Variants in LSM3 observed in about 807,000 individuals in gnomAD.
LSM3 encodes the protein U6 snRNA-associated Sm-like protein LSm3.
LSM3 carries 14 observed loss-of-function variants against 15.4 expected under a neutral mutation model. The ratio of observed to expected loss-of-function variants is 0.91; its 90% CI spans 0.60 to 1.42. The LOEUF is 1.42. LSM3 is among the 40% of genes most tolerant of loss of function. LSM3 has a pLI of 0.00. For missense variants in LSM3, 88 were observed against 127.9 expected, an observed-to-expected ratio of 0.69 and a Z score of 1.50; for synonymous variants, 46 against 45.1, an observed-to-expected ratio of 1.02 and a Z score of -0.08.
chr3:14,181,764 G>A (rs1016502720), intron 2 of LSM3, 94 bp downstream of exon 2: 3 of 887,472 alleles, frequency 3.4e-6, no homozygotes, highest in Admixed American at 2.0e-5. Flanking sequence ...AGGGTATTTT[G>A]AAGGAAGAGA....
chr3:14,197,481 G>A (rs1324541029), intron 3 of LSM3, among the ~76,000 whole-genome samples: 1 of 152,246 alleles, frequency 6.6e-6, no homozygotes, highest in South Asian at 2.1e-4. Context: ...TGTGACCACA[G>A]TAGCACCCAG....
At chr3:14,184,140 G>C (rs1559391032) in intron 3 of LSM3, 108 bp downstream of exon 3, 7 of 1,362,742 alleles carry the variant, frequency 5.1e-6, no homozygotes, top group Non-Finnish European at 5.8e-6. Flanking sequence ...CCTACTTATG[G>C]ACTCAGTAGA....
intron 2 of LSM3, among the ~76,000 whole-genome samples, chr3:14,183,169 C>T (rs1697055965): frequency 6.6e-6 from 1 of 152,190 alleles, no homozygotes; most frequent in African/African-American, 2.4e-5. Flanking sequence ...CATGTTTGAT[C>T]TTGTTAGTGT....
chr3:14,197,180 A>C (rs1184615906), intron 3 of LSM3, among the ~76,000 whole-genome samples: 2 of 152,210 alleles, frequency 1.3e-5, no homozygotes, highest in African/African-American at 4.8e-5. Flanking sequence ...TAACCCTGTG[A>C]ATCCTGTTTC....
rs1697028214 is a variant in LSM3, at chr3:14,180,820, CCTTTTTTTTT to C, written c.22-739_22-730del. 1.2e-4 allele frequency among the ~76,000 whole-genome samples: 6 copies of C among 51,396 alleles called. 1 individual carries two copies. The highest frequency in any genetic ancestry group is 2.3e-4 in the African/African-American group (3 of 13,076). 33.7% of individuals were successfully genotyped at this position (51,396 alleles called of 152,430 possible). Reference sequence around the variant, plus strand: ...TGACTCCAAAGCCAGTGCTTGCTTGCCTTTTTTTTTTTTTTTTTTTTTTTTTTTTTTTTTT... The same window carrying C: ...TGACTCCAAAGCCAGTGCTTGCTTGCTTTTTTTTTTTTTTTTTTTTTTTTT... On this transcript the variant is annotated intron_variant, in intron 1 of 3. Coordinates refer to ENST00000306024, the MANE Select transcript of LSM3 (RefSeq NM_014463.3).
At position 14,194,611 on chromosome 3, in the gene LSM3, A is replaced by G. The variant is rs1255605939; in HGVS notation, c.229-3425A>G. Among the ~76,000 whole-genome samples the G allele has an allele frequency of 2.0e-5, 3 of 152,166 alleles. No homozygotes were observed. The East Asian group carries it at 5.8e-4, about 30-fold the overall frequency. On this transcript the variant is annotated intron_variant, in intron 3 of 3. Transcript: ENST00000306024. ...TTCAGATTTCATTGCAGGTTGACTC[A>G]ATAATTTTTAAACAGAAGATTCTAT... is the stretch of plus-strand genomic sequence containing the variant.
chr3:14,190,881 G>C (rs944120858), intron 3 of LSM3, among the ~76,000 whole-genome samples: 45 of 152,168 alleles, frequency 3.0e-4, no homozygotes, highest in Admixed American at 2.0e-4. Context: ...CAGAGGGAAT[G>C]TTTCCAGGTT....
chr3:14,192,011 T>C (rs1697144458), intron 3 of LSM3, among the ~76,000 whole-genome samples: 1 of 152,206 alleles, frequency 6.6e-6, no homozygotes, highest in African/African-American at 2.4e-5. Flanking sequence ...AAAGAACATC[T>C]TTATTTCTGC....
At chr3:14,191,637 A>G (rs2124825322) in intron 3 of LSM3, among the ~76,000 whole-genome samples, 1 of 152,182 alleles carries the variant, frequency 6.6e-6, no homozygotes, top group East Asian at 1.9e-4. Flanking sequence ...CATCCCCTAT[A>G]TCATTTTTTA....
At chr3:14,192,449 A>G (rs1017904217) in intron 3 of LSM3, among the ~76,000 whole-genome samples, 1 of 152,214 alleles carries the variant, frequency 6.6e-6, no homozygotes, top group Admixed American at 6.5e-5. Flanking sequence ...AACTTGTTTT[A>G]TGAATCTGGA....
chr3:14,194,775 CT>C (rs145805608), intron 3 of LSM3, among the ~76,000 whole-genome samples: 18,342 of 88,324 alleles, frequency 0.21, 1,644 homozygotes, highest in East Asian at 0.25. Context: ...TTATAGCATC[CT>C]TTTTTTTTTT....
At chr3:14,190,600 T>C (rs1574989542) in intron 3 of LSM3, among the ~76,000 whole-genome samples, 1 of 152,172 alleles carries the variant, frequency 6.6e-6, no homozygotes, top group East Asian at 1.9e-4. Context: ...TTGTCTGTTA[T>C]TTATGTATAG....
intron 3 of LSM3, among the ~76,000 whole-genome samples, chr3:14,193,120 C>G (rs1157810294): frequency 6.6e-6 from 1 of 152,172 alleles, no homozygotes; most frequent in Non-Finnish European, 1.5e-5. Flanking sequence ...TCTCTTCTGG[C>G]TTGTAGGGTT....
At chr3:14,196,395 G>T (rs544751443) in intron 3 of LSM3, among the ~76,000 whole-genome samples, 1 of 152,288 alleles carries the variant, frequency 6.6e-6, no homozygotes, top group East Asian at 1.9e-4. Context: ...GGACTGCCAC[G>T]TGACTTTCGG....
At chr3:14,197,434 C>A (rs373002840) in intron 3 of LSM3, among the ~76,000 whole-genome samples, 1 of 152,360 alleles carries the variant, frequency 6.6e-6, no homozygotes, top group East Asian at 1.9e-4. Context: ...CAAGGCCTGA[C>A]CACTAAGCTC....
intron 3 of LSM3, among the ~76,000 whole-genome samples, chr3:14,194,070 G>A (rs187020343): frequency 8.3e-4 from 127 of 152,290 alleles, no homozygotes; most frequent in Non-Finnish European, 1.6e-3. Flanking sequence ...CCCAGTTTGT[G>A]TGGATATCAC....
chr3:14,193,505 T>G (rs139251123), intron 3 of LSM3, among the ~76,000 whole-genome samples: 2 of 152,358 alleles, frequency 1.3e-5, no homozygotes, highest in East Asian at 3.9e-4. Context: ...AATCTTGTCT[T>G]CTGTCTTTAT....
rs1181548913 is a variant in LSM3, at chr3:14,180,820, CCTTTTTTTTTTTTTTTT to C, written c.22-739_22-723del. On this transcript the variant is annotated intron_variant, in intron 1 of 3. Transcript: ENST00000306024. Reference sequence around the variant, plus strand: ...TGACTCCAAAGCCAGTGCTTGCTTGCCTTTTTTTTTTTTTTTTTTTTTTTTTTTTTTTTTTTTAAAAA... The same window carrying C: ...TGACTCCAAAGCCAGTGCTTGCTTGCTTTTTTTTTTTTTTTTTTTTAAAAA... Among the ~76,000 whole-genome samples the C allele has an allele frequency of 7.4e-4, 38 of 51,420 alleles. 1 individual carries two copies. Among genetic ancestry groups the C allele is most frequent in the African/African-American group, 2.4e-3 (32 of 13,094 alleles). The allele number at this position is 51,420 out of a possible 152,430, so 33.7% of individuals were successfully genotyped here. A position where few individuals can be genotyped will look rare whatever the true frequency, so the allele number is the denominator to read the frequency against.
Position 14,198,381 on chromosome 3 carries a change from A to C in LSM3, c.*265A>C. On this transcript the variant is annotated 3_prime_UTR_variant, in exon 4 of 4. Coordinates refer to ENST00000306024, the MANE Select transcript of LSM3 (RefSeq NM_014463.3). ...GGACTTCTTTTGCTCCATTATTCTC[A>C]CAGATACTTACTGATTTTTCTTTTC... 1 of 436,906 alleles carries C rather than the reference A, an allele frequency of 2.3e-6. No homozygotes were observed. Among genetic ancestry groups the C allele is most frequent in the Non-Finnish European group, 4.1e-6 (1 of 246,902 alleles). The allele number at this position is 436,906 out of a possible 1,614,324, so 27.1% of individuals were successfully genotyped here.
Sources: allele counts gnomAD v4.1 joint callset (sites outside exome capture counted in the v4.1 genomes callset), GRCh38; gene constraint gnomAD v4.1.1; transcripts MANE v1.5; gene names NCBI Gene and HGNC (gene_info 2026-07-23, HGNC 2026-07-21).